Variants in DMXL1 observed in about 807,000 individuals in gnomAD.
The protein encoded by DMXL1 is dmX-like protein 1.
A neutral mutation model predicts 319.2 loss-of-function variants in DMXL1; 99 were observed. That is an observed-to-expected ratio of 0.31 (90% CI 0.26 to 0.37). The LOEUF is 0.37. DMXL1 is among the 10% of genes least tolerant of loss of function. The pLI is 1.00. For synonymous variants in DMXL1, 1,385 were observed against 1,235.2 expected (o/e 1.12, Z -2.54); for missense variants, 3,745 against 3,595.6 (o/e 1.04, Z -1.06).
At chr5:119,128,637 A>C (rs77522875) in intron 9 of DMXL1, among the ~76,000 whole-genome samples, 1 of 151,616 alleles carries the variant, frequency 6.6e-6, no homozygotes, top group African/African-American at 2.4e-5. Context: ...AGATTCATCA[A>C]TTGTAATAAA....
chr5:119,141,691 C>T (rs1767380094), intron 13 of DMXL1, among the ~76,000 whole-genome samples: 1 of 151,746 alleles, frequency 6.6e-6, no homozygotes, highest in East Asian at 1.9e-4. Flanking sequence ...AAGTATGGCC[C>T]AAAAATTTAC....
rs547606349 is a variant in DMXL1 at position 119,159,165 on chromosome 5, T to A, written c.4703-5342T>A. On this transcript the variant is annotated intron_variant, in intron 19 of 43. Coordinates refer to ENST00000539542, the MANE Select transcript of DMXL1 (RefSeq NM_001290321.3). ...TTTTTCTTTGAGACAGAGTCTCGCT[T>A]CTGTCACCCAACGCTGGAGTGCAGT... 2.0e-5 allele frequency among the ~76,000 whole-genome samples: 3 copies of A among 152,204 alleles called. No homozygotes were observed. The East Asian group carries it at 5.8e-4, about 29-fold the overall frequency.
In DMXL1 at chr5:119,101,975, C is replaced by A. The variant is rs1250008793; in HGVS notation, c.254C>A (p.Pro85Gln). 2 of 1,604,400 alleles carry A rather than the reference C, an allele frequency of 1.2e-6. No individual in the cohort carries two copies. Among genetic ancestry groups the A allele is most frequent in the African/African-American group, 1.3e-5 (1 of 74,514 alleles). The change falls in exon 3 of 44, where the codon CCA (proline) becomes CAA (glutamine). Residue 85 changes from proline to glutamine, a missense_variant. Around this residue, in one of 4 missense-constraint regions of DMXL1, gnomAD observed 2,096 missense variants for 1,985.4 expected, o/e 1.06. Transcript: ENST00000539542. ...SYGNVISIFE[P>Q]VNLPKQKKNL... Reference sequence around the variant, plus strand: ...GGAAATGTTATCTCCATTTTTGAACCAGTTAACCTACCAAAACAAAAGAAA... The same window carrying A: ...GGAAATGTTATCTCCATTTTTGAACAAGTTAACCTACCAAAACAAAAGAAA...
intron 3 of DMXL1, among the ~76,000 whole-genome samples, chr5:119,102,376 T>A (rs960594531): frequency 1.3e-5 from 2 of 152,216 alleles, no homozygotes; most frequent in Non-Finnish European, 2.9e-5. Flanking sequence ...GTTTTCTGCC[T>A]CTTCAGGGCT....
intron 43 of DMXL1, among the ~76,000 whole-genome samples, chr5:119,245,538 G>T (rs1419953128): frequency 1.4e-5 from 2 of 147,686 alleles, no homozygotes; most frequent in Non-Finnish European, 3.0e-5. Context: ...AGTTAAGTCG[G>T]TTCTTTTTTT....
chr5:119,140,433 A>ACTG (rs1767045230), intron 13 of DMXL1, among the ~76,000 whole-genome samples: 1 of 152,182 alleles, frequency 6.6e-6, no homozygotes, highest in East Asian at 1.9e-4. Flanking sequence ...AATGTTAACC[A>ACTG]CTGACTCTAC....
chr5:119,197,767 G>C lies in DMXL1; in HGVS notation c.7556G>C (p.Ser2519Thr). 6.2e-7 allele frequency: 1 copy of C among 1,613,814 alleles called. No homozygotes were observed. The highest frequency in any genetic ancestry group is 8.5e-7 in the Non-Finnish European group (1 of 1,179,940). Reference protein sequence around the residue: ...AGHDLAELPVSSPLCHAVLKT... With the variant: ...AGHDLAELPVTSPLCHAVLKT... ...GTTCCCATTTTAGAGCTTCCAGTTA[G>C]TTCACCTCTTTGTCATGCGGTTCTA... Residue 2519 changes from serine (S) to threonine (T), a missense_variant, in exon 32 of 44, where the codon AGT (serine) becomes ACT (threonine). Around this residue, in one of 4 missense-constraint regions of DMXL1, gnomAD observed 1,382 missense variants for 1,269.5 expected, o/e 1.09. Coordinates refer to ENST00000539542, the MANE Select transcript of DMXL1 (RefSeq NM_001290321.3).
intron 9 of DMXL1, among the ~76,000 whole-genome samples, chr5:119,122,794 G>A (rs867228525): frequency 1.3e-5 from 2 of 151,756 alleles, no homozygotes; most frequent in Middle Eastern, 3.4e-3. Context: ...ATGGCGGCCG[G>A]GCAGAGATGC....
intron 4 of DMXL1, among the ~76,000 whole-genome samples, chr5:119,106,428 C>A (rs1318003458): frequency 6.6e-6 from 1 of 151,956 alleles, no homozygotes; most frequent in Non-Finnish European, 1.5e-5. Context: ...GCCATTTTTA[C>A]CATTCTACGA....
chr5:119,103,544 C>G (rs1196611537), intron 3 of DMXL1, among the ~76,000 whole-genome samples: 2 of 152,114 alleles, frequency 1.3e-5, no homozygotes, highest in Non-Finnish European at 2.9e-5. Context: ...TGTGAGTGTT[C>G]TTTCCTTACC....
chr5:119,183,599 A>G (rs1036171780), intron 28 of DMXL1, among the ~76,000 whole-genome samples: 7 of 151,812 alleles, frequency 4.6e-5, no homozygotes, highest in African/African-American at 4.8e-5. Flanking sequence ...CAGCCTCCCA[A>G]GTAGCTGGGA....
At chr5:119,101,399 T>C (rs1757247470) in intron 2 of DMXL1, among the ~76,000 whole-genome samples, 1 of 152,210 alleles carries the variant, frequency 6.6e-6, no homozygotes, top group Non-Finnish European at 1.5e-5. Context: ...ACTCAAGTTA[T>C]AGTAGTAGTT....
intron 10 of DMXL1, among the ~76,000 whole-genome samples, chr5:119,131,329 C>T (rs1221553749): frequency 2.0e-5 from 3 of 152,014 alleles, no homozygotes; most frequent in Non-Finnish European, 2.9e-5. Flanking sequence ...TACATATTTA[C>T]CTGTATTGAT....
intron 43 of DMXL1, among the ~76,000 whole-genome samples, chr5:119,246,644 T>C (rs547447539): frequency 6.8e-6 from 1 of 148,098 alleles, no homozygotes; most frequent in East Asian, 2.0e-4. Flanking sequence ...TTTTTTTTTT[T>C]TTTTTTGAGA....
chr5:119,197,536 A>G (rs1250094012), intron 31 of DMXL1, among the ~76,000 whole-genome samples: 2 of 152,152 alleles, frequency 1.3e-5, no homozygotes, highest in Non-Finnish European at 2.9e-5. Context: ...GTAATGTTGA[A>G]ATACTTACAC....
At chr5:119,240,024 C>T (rs998649822) in intron 41 of DMXL1, among the ~76,000 whole-genome samples, 1 of 151,410 alleles carries the variant, frequency 6.6e-6, no homozygotes, top group Admixed American at 6.6e-5. Context: ...ATCCCAGTGC[C>T]TTGGCAGGCT....
In DMXL1 at chr5:119,150,102, A is replaced by G. The variant is rs1269938034; in HGVS notation, c.4275A>G (p.Lys1425=). The G allele has an allele frequency of 6.2e-7, 1 of 1,613,842 alleles. No individual in the cohort carries two copies. Among genetic ancestry groups the G allele is most frequent in the Non-Finnish European group, 8.5e-7 (1 of 1,179,892 alleles). ...DDDSCYSSLE[K]SSNESTLSKS... is the part of the protein sequence containing the mutation. ...ATAGCTGTTACTCATCTTTGGAGAAATCTAGTAATGAGAGTACGTTAAGTA... is the reference window on the plus strand; with the variant it reads ...ATAGCTGTTACTCATCTTTGGAGAAGTCTAGTAATGAGAGTACGTTAAGTA... Residue 1425 remains lysine (K), a synonymous_variant, in exon 18 of 44, where the codon AAA becomes AAG. Coordinates refer to ENST00000539542, the MANE Select transcript of DMXL1 (RefSeq NM_001290321.3).
At chr5:119,206,016 T>C (rs932165381) in intron 33 of DMXL1, among the ~76,000 whole-genome samples, 1 of 152,078 alleles carries the variant, frequency 6.6e-6, no homozygotes, top group African/African-American at 2.4e-5. Flanking sequence ...AAAATGAAAT[T>C]TTACAGTTTC....
In DMXL1 at chr5:119,141,515, G is replaced by A. The variant is rs567493517; in HGVS notation, c.2377-2326G>A. On this transcript the variant is annotated intron_variant, in intron 13 of 43. Transcript: ENST00000539542. ...GTCCCATTCCCAACTGCCACAAAAA[G>A]AATAAAATACCTAGGAATACAGCTA... Among the ~76,000 whole-genome samples, 175 of 152,114 alleles carry A rather than the reference G, an allele frequency of 1.2e-3. 1 individual carries two copies. The Middle Eastern group carries it at 0.014, about 12-fold the overall frequency.
Sources: gnomAD v4.1 joint callset for allele counts (sites outside exome capture counted in the v4.1 genomes callset) on GRCh38, gnomAD v4.1.1 for gene constraint, gnomAD v4.1.1 regional missense constraint, MANE v1.5 for transcripts, NCBI Gene and HGNC (gene_info 2026-07-23, HGNC 2026-07-21) for gene names.